PIEZO1: variants seen among roughly 807,000 people sequenced by gnomAD.
PIEZO1 encodes piezo type mechanosensitive ion channel component 1 (Er blood group).
In PIEZO1, 296 loss-of-function variants were observed where a neutral mutation model predicts 297.2. The ratio of observed to expected loss-of-function variants is 1.00; its 90% CI spans 0.91 to 1.10. The LOEUF (loss-of-function observed/expected upper bound fraction) is 1.10. Ranked by LOEUF, PIEZO1 falls within the 50% of genes least tolerant of loss-of-function variation. The pLI, the probability that PIEZO1 is intolerant of heterozygous loss-of-function variation, is 0.00. For synonymous variants in PIEZO1, 2,427 were observed against 1,507.5 expected, an observed-to-expected ratio of 1.61 and a Z score of -14.13; for missense variants, 5,018 against 3,455.5, an observed-to-expected ratio of 1.45 and a Z score of -11.34.
intron 38 of PIEZO1, 47 bp from the exon 39 acceptor site, chr16:88,721,477 A>C (rs538795026): frequency 6.5e-7 from 1 of 1,538,552 alleles, no homozygotes; most frequent in East Asian, 2.5e-5. Context: ...TCCCTGGTGG[A>C]GAGCACAGGT....
intron 1 of PIEZO1, among the ~76,000 whole-genome samples, chr16:88,767,216 C>T (rs1428647944): frequency 6.6e-6 from 1 of 152,220 alleles, no homozygotes; most frequent in Non-Finnish European, 1.5e-5. Flanking sequence ...GACATCCTTA[C>T]GGGAAGGAGA....
intron 1 of PIEZO1, among the ~76,000 whole-genome samples, chr16:88,763,274 G>A (rs899911309): frequency 1.3e-5 from 2 of 152,214 alleles, no homozygotes; most frequent in Admixed American, 1.3e-4. Context: ...CCTGTGAGCA[G>A]CTCCTGTGTG....
chr16:88,780,977 C>T (rs950752844), intron 1 of PIEZO1, among the ~76,000 whole-genome samples: 1 of 152,170 alleles, frequency 6.6e-6, no homozygotes, highest in African/African-American at 2.4e-5. Context: ...GAGAAAAAAG[C>T]CTAACTGTCT....
chr16:88,737,383 C>G, intron 10 of PIEZO1, 176 bp downstream of exon 10: 1 of 575,448 alleles, frequency 1.7e-6, no homozygotes, highest in Non-Finnish European at 3.1e-6. Context: ...CACTCGGCTG[C>G]CCTGGGGGTC....
intron 2 of PIEZO1, 31 bp from the exon 3 acceptor site, chr16:88,742,453 C>T (rs1395648998): frequency 1.3e-6 from 2 of 1,531,874 alleles, no homozygotes; most frequent in Admixed American, 4.0e-5. Flanking sequence ...GAGGCTGGTC[C>T]CGGGGACGGG....
At chr16:88,727,526 T>C in intron 23 of PIEZO1, 31 bp downstream of exon 23, 1 of 809,258 alleles carries the variant, frequency 1.2e-6, no homozygotes, top group Non-Finnish European at 1.9e-6. Flanking sequence ...GAGGGTCCTC[T>C]GCAGAGGCGG....
In PIEZO1 at chr16:88,736,506, A is replaced by G. The variant is rs1905228430; in HGVS notation, c.1297-98T>C. On this transcript the variant is annotated intron_variant, in intron 11 of 50. Coordinates refer to ENST00000301015, the MANE Select transcript of PIEZO1 (RefSeq NM_001142864.4). ...AGGGGGCTGCACAGCTGCCCAGCGC[A>G]CCCCACCCAGGCGATGCCCCACACC... The G allele has an allele frequency of 8.4e-6, 5 of 595,512 alleles. No homozygotes were observed. In the East Asian group the frequency reaches 1.1e-4, roughly 13 times the overall value. 36.9% of individuals were successfully genotyped at this position (595,512 alleles called of 1,614,324 possible).
chr16:88,722,641 C>G lies in PIEZO1; in HGVS notation c.4717G>C (p.Ala1573Pro), dbSNP rs1904288555. Residue 1573 changes from alanine (A) to proline (P), a missense_variant, in exon 35 of 51, where the codon GCC becomes CCC. Coordinates refer to ENST00000301015, the MANE Select transcript of PIEZO1 (RefSeq NM_001142864.4). The part of the protein sequence containing the change: ...GVLDQLYTSQ[A>P]EATLPGPTEA... ...GTGGGGCCTGGCAGCGTGGCCTCGG[C>G]CTGGCTTGTGTACAGCTGATCCAGC... The G allele has an allele frequency of 6.5e-7, 1 of 1,538,570 alleles. No individual in the cohort carries two copies. The highest frequency in any genetic ancestry group is 8.7e-7 in the Non-Finnish European group (1 of 1,146,214).
At chr16:88,727,385 C>T (rs1349805673) in intron 23 of PIEZO1, among the ~76,000 whole-genome samples, 172 bp downstream of exon 23, 1 of 151,476 alleles carries the variant, frequency 6.6e-6, no homozygotes, top group African/African-American at 2.5e-5. Flanking sequence ...GGCTGCCGTG[C>T]ACACAGGCTG....
At chr16:88,743,374 G>T in intron 2 of PIEZO1, 1 of 450,590 alleles carries the variant, frequency 2.2e-6, no homozygotes, top group South Asian at 1.6e-5. Context: ...CGTGCTGGCA[G>T]GAGCTTCCGG....
rs1418878547 is a variant in PIEZO1, at chr16:88,738,439, G to A, written c.636C>T (p.Gly212=). ...VLAVTLLALA[G]IAHPSALSSV... ...TGGAGAGGGCCGAGGGGTGGGCGAT[G>A]CCTGCGGGGCAGGGGCACACAGGGT... Residue 212 remains glycine (G), a splice_region_variant and synonymous_variant, in exon 7 of 51, where the codon GGC becomes GGT. Transcript: ENST00000301015. 4 of 1,535,502 alleles carry A rather than the reference G, an allele frequency of 2.6e-6. No homozygotes were observed. Among genetic ancestry groups the A allele is most frequent in the Admixed American group, 3.9e-5 (2 of 51,002 alleles).
At chr16:88,784,218 G>A (rs1908067493) in intron 1 of PIEZO1, among the ~76,000 whole-genome samples, 1 of 152,238 alleles carries the variant, frequency 6.6e-6, no homozygotes, top group African/African-American at 2.4e-5. Context: ...ACAGCCTCCG[G>A]GGGTGTCCCC....
chr16:88,726,656 A>ACGGTCAGCG lies in PIEZO1; in HGVS notation c.3700-14_3700-13insCGCTGACCG. ...CGCAGGCCAGGAGCTGGGGGAGAGC[A>ACGGTCAGCG]GGGTCAGCGGGGCCAGCGGGGCCCC... On this transcript the variant is annotated splice_polypyrimidine_tract_variant and intron_variant, in intron 25 of 50. Transcript: ENST00000301015. 2.1e-6 allele frequency: 2 copies of ACGGTCAGCG among 941,030 alleles called. No homozygotes were observed. The highest frequency in any genetic ancestry group is 3.0e-6 in the Non-Finnish European group (2 of 671,046). The allele number at this position is 941,030 out of a possible 1,614,324, so 58.3% of individuals were successfully genotyped here.
At position 88,723,911 on chromosome 16, in the gene PIEZO1, A is replaced by G; in HGVS notation, c.4295T>C (p.Val1432Ala). Reference sequence around the variant, plus strand: ...TGCCGACGGCCTCGGGTCTTCAGGAACAGCCTCCTCCTCTTCCTCACTGTC... The same window carrying G: ...TGCCGACGGCCTCGGGTCTTCAGGAGCAGCCTCCTCCTCTTCCTCACTGTC... ...ESDSEEEEEA[V>A]PEDPRPSAQS... Residue 1432 changes from valine to alanine, a missense_variant, in exon 31 of 51, where the codon GTT becomes GCT. Transcript: ENST00000301015. 6.5e-7 allele frequency: 1 copy of G among 1,549,804 alleles called. No homozygotes were observed.
intron 1 of PIEZO1, among the ~76,000 whole-genome samples, chr16:88,759,940 G>A (rs1400392457): frequency 1.3e-5 from 2 of 152,094 alleles, no homozygotes; most frequent in Non-Finnish European, 2.9e-5. Flanking sequence ...GCCCGGCCAG[G>A]CCCACCTTCA....
At chr16:88,776,934 G>A (rs1013335191) in intron 1 of PIEZO1, among the ~76,000 whole-genome samples, 1 of 152,184 alleles carries the variant, frequency 6.6e-6, no homozygotes, top group Non-Finnish European at 1.5e-5. Context: ...GGGACTAGAA[G>A]GAGGGAAGGG....
rs769837310 is a variant in PIEZO1, at chr16:88,733,380, G to C, written c.2562C>G (p.Ala854=). The C allele has an allele frequency of 1.3e-6, 2 of 1,550,184 alleles. No individual in the cohort carries two copies. Among genetic ancestry groups the C allele is most frequent in the South Asian group, 2.4e-5 (2 of 84,068 alleles). Residue 854 remains alanine, a synonymous_variant, in exon 19 of 51, where the codon GCC becomes GCG. Transcript: ENST00000301015. ...ALPYPRFRPM[A]SCLSTVWTCV... is the part of the protein sequence containing the mutation. Reference sequence around the variant, plus strand: ...AGGTCCACACGGTGGACAGGCAGGAGGCCATGGGCCGGAAGCGTGGGTAGG... The same window carrying C: ...AGGTCCACACGGTGGACAGGCAGGACGCCATGGGCCGGAAGCGTGGGTAGG...
chr16:88,778,013 C>T (rs975019133), intron 1 of PIEZO1, among the ~76,000 whole-genome samples: 2 of 152,264 alleles, frequency 1.3e-5, no homozygotes, highest in African/African-American at 2.4e-5. Flanking sequence ...CCTCCGGGAG[C>T]TCCTGCGGGC....
intron 1 of PIEZO1, 143 bp from the exon 2 acceptor site, chr16:88,749,622 C>A: frequency 1.6e-6 from 1 of 619,974 alleles, no homozygotes; most frequent in South Asian, 2.0e-5. Flanking sequence ...GCCGTGGAAG[C>A]CGCCTCGCGC....
Sources: allele counts gnomAD v4.1 joint callset (sites outside exome capture counted in the v4.1 genomes callset), GRCh38; gene constraint gnomAD v4.1.1; transcripts MANE v1.5; gene names NCBI Gene and HGNC (gene_info 2026-07-23, HGNC 2026-07-21).